The following CSMD1 variants were observed in gnomAD, a reference collection of about 807,000 sequenced individuals.
CSMD1 encodes the protein CUB and sushi domain-containing protein 1.
In CSMD1, 213 loss-of-function variants were observed where a neutral mutation model predicts 417.5. That is an observed-to-expected ratio of 0.51 (90% CI 0.46 to 0.57). The LOEUF is 0.57. Ranked by LOEUF, CSMD1 falls within the 20% of genes least tolerant of loss-of-function variation. The probability of loss-of-function intolerance (pLI) is 0.00; values close to 1 mark genes in which losing one functional copy is unlikely to be tolerated. For missense variants in CSMD1, 6,923 were observed against 4,529.7 expected, an observed-to-expected ratio of 1.53 and a Z score of -15.17; for synonymous variants, 2,862 against 1,736.8, an observed-to-expected ratio of 1.65 and a Z score of -16.11.
chr8:3,080,631 C>A (rs1009902229), intron 49 of CSMD1, among the ~76,000 whole-genome samples: 4 of 152,170 alleles, frequency 2.6e-5, no homozygotes, highest in Admixed American at 6.5e-5. Flanking sequence ...CACTTTGAAC[C>A]CCACAATTCG....
rs555724011 is a variant in CSMD1 at position 2,975,522 on chromosome 8, C to G, written c.8567-898G>C. 1.3e-4 allele frequency among the ~76,000 whole-genome samples: 20 copies of G among 152,268 alleles called. No homozygotes were observed. The South Asian group carries it at 4.1e-3, about 32-fold the overall frequency. ...GAGGTAGATTTGAACGCCTGGAAGC[C>G]ATGGCCATCCCCTGAGTCATATCAG... On this transcript the variant is annotated intron_variant, in intron 55 of 69. Coordinates refer to ENST00000635120, the MANE Select transcript of CSMD1 (RefSeq NM_033225.6).
chr8:4,211,494 G>A (rs969618662), intron 3 of CSMD1, among the ~76,000 whole-genome samples: 2 of 152,092 alleles, frequency 1.3e-5, no homozygotes, highest in Non-Finnish European at 2.9e-5. Flanking sequence ...ATTTCACTGG[G>A]TGTTTGAATG....
intron 3 of CSMD1, among the ~76,000 whole-genome samples, chr8:4,405,530 A>G (rs982764318): frequency 3.3e-5 from 5 of 152,256 alleles, no homozygotes; most frequent in African/African-American, 1.2e-4. Flanking sequence ...ACAAAAAATT[A>G]TAGTAAGTGC....
chr8:3,374,001 G>A (rs1017771526), intron 18 of CSMD1, among the ~76,000 whole-genome samples: 1 of 149,360 alleles, frequency 6.7e-6, no homozygotes, highest in African/African-American at 2.5e-5. Context: ...TGCCCAGGCT[G>A]GAGTGCAGTG....
intron 1 of CSMD1, among the ~76,000 whole-genome samples, chr8:4,750,038 G>C (rs113030746): frequency 1.3e-5 from 2 of 151,536 alleles, no homozygotes; most frequent in Non-Finnish European, 2.9e-5. Flanking sequence ...ATGGAGTCTC[G>C]CTCTGTCGCC....
At chr8:3,286,679 T>G (rs142214746) in intron 25 of CSMD1, among the ~76,000 whole-genome samples, 1 of 151,292 alleles carries the variant, frequency 6.6e-6, no homozygotes, top group African/African-American at 2.4e-5. Flanking sequence ...GGGTTGTTTT[T>G]TTCTTGTAAA....
chr8:3,634,341 A>G (rs773388878), intron 7 of CSMD1, among the ~76,000 whole-genome samples: 6 of 152,178 alleles, frequency 3.9e-5, no homozygotes, highest in Non-Finnish European at 7.3e-5. Flanking sequence ...TGCCTGTGTG[A>G]CACTCTGTGA....
chr8:4,863,162 T>A (rs1413873284), intron 1 of CSMD1, among the ~76,000 whole-genome samples: 1 of 152,116 alleles, frequency 6.6e-6, no homozygotes, highest in East Asian at 1.9e-4. Context: ...ATTAGAAATA[T>A]GAATTGACAA....
At chr8:2,964,816 G>A (rs139633116) in intron 59 of CSMD1, among the ~76,000 whole-genome samples, 1 of 152,050 alleles carries the variant, frequency 6.6e-6, no homozygotes, top group Non-Finnish European at 1.5e-5. Context: ...CATGTCAGAA[G>A]AGAGAGAAAG....
intron 3 of CSMD1, among the ~76,000 whole-genome samples, chr8:4,223,507 G>A (rs1056112084): frequency 7.2e-5 from 11 of 152,196 alleles, no homozygotes; most frequent in African/African-American, 2.2e-4. Flanking sequence ...TGCACAGGGC[G>A]TAATCTACCA....
At chr8:3,636,614 T>A (rs369947277) in intron 7 of CSMD1, among the ~76,000 whole-genome samples, 1 of 152,160 alleles carries the variant, frequency 6.6e-6, no homozygotes, top group African/African-American at 2.4e-5. Context: ...TTTCAGGAAA[T>A]GTTTTCTCCC....
intron 3 of CSMD1, among the ~76,000 whole-genome samples, chr8:4,177,084 T>A (rs1026575847): frequency 6.6e-6 from 1 of 152,266 alleles, no homozygotes; most frequent in South Asian, 2.1e-4. Flanking sequence ...GCGGACCTAA[T>A]AGACATCTAC....
intron 12 of CSMD1, among the ~76,000 whole-genome samples, chr8:3,434,461 G>T (rs1814419951): frequency 6.6e-6 from 1 of 152,128 alleles, no homozygotes; most frequent in South Asian, 2.1e-4. Context: ...AAAGAAAATA[G>T]TATCCCTGAC....
chr8:3,188,001 T>C (rs1320684904), intron 35 of CSMD1, 36 bp from the exon 36 acceptor site: 2 of 1,568,540 alleles, frequency 1.3e-6, no homozygotes, highest in South Asian at 2.3e-5. Context: ...TATTTATTTT[T>C]GGCTTAACAC....
intron 5 of CSMD1, among the ~76,000 whole-genome samples, chr8:3,792,872 A>G (rs762443800): frequency 3.9e-5 from 6 of 152,188 alleles, no homozygotes; most frequent in Non-Finnish European, 8.8e-5. Context: ...GTCACCCTAC[A>G]TACTTGCCTT....
In CSMD1 at chr8:3,977,549, C is replaced by T. The variant is rs145743775; in HGVS notation, c.818+20354G>A. Among the ~76,000 whole-genome samples, 475 of 152,228 alleles carry T rather than the reference C, an allele frequency of 3.1e-3. 2 individuals are homozygous for T. The highest frequency in any genetic ancestry group is 0.01 in the African/African-American group (431 of 41,556). On this transcript the variant is annotated intron_variant, in intron 5 of 69. Transcript: ENST00000635120. ...GGATTCTGCTGTTCAGAGCAGCAAA[C>T]ATTTTTAATACTTTGTGACTCTGGC... is the stretch of plus-strand genomic sequence containing the variant.
intron 36 of CSMD1, among the ~76,000 whole-genome samples, 162 bp from the exon 37 acceptor site, chr8:3,181,376 T>C (rs1414098420): frequency 1.3e-5 from 2 of 152,274 alleles, no homozygotes. Context: ...TCAGCCATTC[T>C]ATTTTTCTAG....
chr8:3,619,457 T>C (rs1449426340), intron 7 of CSMD1, among the ~76,000 whole-genome samples: 2 of 152,136 alleles, frequency 1.3e-5, no homozygotes, highest in African/African-American at 2.4e-5. Flanking sequence ...AATAAATCTC[T>C]AGATACAGTC....
chr8:4,028,249 A>C (rs190389802), intron 4 of CSMD1, among the ~76,000 whole-genome samples: 1 of 152,194 alleles, frequency 6.6e-6, no homozygotes, highest in African/African-American at 2.4e-5. Flanking sequence ...CAAATCTAAC[A>C]TCTATTAGCA....
Sources: allele counts gnomAD v4.1 joint callset (sites outside exome capture counted in the v4.1 genomes callset), GRCh38; gene constraint gnomAD v4.1.1; transcripts MANE v1.5; gene names NCBI Gene and HGNC (gene_info 2026-07-23, HGNC 2026-07-21).